Variants in UBE3C observed in about 807,000 individuals in gnomAD.
UBE3C encodes ubiquitin protein ligase E3C, also known as ubiquitin-protein ligase E3C.
A neutral mutation model predicts 129.4 loss-of-function variants in UBE3C; 42 were observed. The observed-to-expected ratio is 0.32, with a 90% CI of 0.25 to 0.42. The LOEUF (loss-of-function observed/expected upper bound fraction) is 0.42. Ranked by LOEUF, UBE3C falls within the 10% of genes least tolerant of loss-of-function variation. UBE3C has a pLI of 1.00. For missense variants in UBE3C, 1,049 were observed against 1,319.1 expected (o/e 0.80, Z 3.17); for synonymous variants, 510 against 492.4 (o/e 1.04, Z -0.47).
chr7:157,240,574 A>G (rs1463841271), intron 18 of UBE3C, among the ~76,000 whole-genome samples: 2 of 152,130 alleles, frequency 1.3e-5, no homozygotes, highest in African/African-American at 4.8e-5. Flanking sequence ...AGATTTAACC[A>G]GGGGTGGGGT....
chr7:157,258,315 A>C (rs542756541), intron 22 of UBE3C, among the ~76,000 whole-genome samples: 5 of 151,934 alleles, frequency 3.3e-5, no homozygotes, highest in African/African-American at 1.2e-4. Flanking sequence ...AGTCCCAGCT[A>C]CTCTTGAGGC....
chr7:157,145,499 C>T (rs1469543353), intron 1 of UBE3C, among the ~76,000 whole-genome samples: 2 of 152,072 alleles, frequency 1.3e-5, no homozygotes, highest in African/African-American at 2.4e-5. Flanking sequence ...GCCTAGGTGA[C>T]GAGAGTGATA....
chr7:157,162,029 C>T (rs1808084599), intron 1 of UBE3C, among the ~76,000 whole-genome samples: 1 of 151,778 alleles, frequency 6.6e-6, no homozygotes, highest in African/African-American at 2.4e-5. Context: ...AAGATCGCCA[C>T]TACACTCCAG....
chr7:157,189,675 G>T (rs4716693), intron 10 of UBE3C, among the ~76,000 whole-genome samples: 4 of 152,214 alleles, frequency 2.6e-5, no homozygotes, highest in Non-Finnish European at 4.4e-5. Context: ...GACTCTTTCA[G>T]CGGCTTCTTT....
Position 157,170,414 on chromosome 7 carries a change from G to C in UBE3C, c.306G>C (p.Leu102=). ...PNLTLLVRQL[L]FFYKQNEDSK... ...TTACCCTTTTGGTAAGGCAGCTTCT[G>C]TTTTTTTACAAACAAAATGAAGACT... Residue 102 remains leucine (L), a synonymous_variant, in exon 4 of 23, where the codon CTG becomes CTC. Transcript: ENST00000348165. 3 of 1,564,536 alleles carry C rather than the reference G, an allele frequency of 1.9e-6. No homozygotes were observed. The highest frequency in any genetic ancestry group is 2.6e-6 in the Non-Finnish European group (3 of 1,158,666).
intron 8 of UBE3C, among the ~76,000 whole-genome samples, 156 bp from the exon 9 acceptor site, chr7:157,183,722 A>C (rs928948524): frequency 2.6e-5 from 4 of 152,258 alleles, no homozygotes; most frequent in Non-Finnish European, 4.4e-5. Context: ...CGGGGACAAA[A>C]TCTAAATATG....
At chr7:157,156,622 A>T (rs1039553794) in intron 1 of UBE3C, among the ~76,000 whole-genome samples, 1 of 151,502 alleles carries the variant, frequency 6.6e-6, no homozygotes, top group African/African-American at 2.4e-5. Context: ...TTTAATCCTT[A>T]CATTCACACT....
chr7:157,225,395 C>T lies in UBE3C; in HGVS notation c.2101-12C>T, dbSNP rs775456741. On this transcript the variant is annotated splice_polypyrimidine_tract_variant and intron_variant, in intron 16 of 22. Coordinates refer to ENST00000348165, the MANE Select transcript of UBE3C (RefSeq NM_014671.3). ...TGTTTCTAATAACCTTACAGCTTTC[C>T]TTGTTTGTTAGATCTTTCAGAGGTT... The T allele has an allele frequency of 2.9e-5, 46 of 1,588,144 alleles. No individual in the cohort carries two copies. Among genetic ancestry groups the T allele is most frequent in the Non-Finnish European group, 3.9e-5 (46 of 1,173,002 alleles).
At position 157,207,431 on chromosome 7, in the gene UBE3C, G is replaced by A; in HGVS notation, c.1452G>A (p.Arg484=). The change falls in exon 12 of 23, where the codon AGG becomes AGA. Residue 484 remains arginine (R), a synonymous_variant. Coordinates refer to ENST00000348165, the MANE Select transcript of UBE3C (RefSeq NM_014671.3). ...SMVPLLQVIS[R]GSPMSFEDSS... Reference sequence around the variant, plus strand: ...TACCGTTGCTTCAGGTGATATCCAGGGGTTCTCCTATGTCTTTTGAAGATT... The same window carrying A: ...TACCGTTGCTTCAGGTGATATCCAGAGGTTCTCCTATGTCTTTTGAAGATT... The A allele has an allele frequency of 1.9e-6, 3 of 1,613,418 alleles. No homozygotes were observed. The highest frequency in any genetic ancestry group is 2.5e-6 in the Non-Finnish European group (3 of 1,179,916).
chr7:157,259,844 A>T (rs6971669), intron 22 of UBE3C, among the ~76,000 whole-genome samples: 19,815 of 152,124 alleles, frequency 0.13, 1,543 homozygotes, highest in African/African-American at 0.2. Context: ...ATCTTATAGT[A>T]AGTCAAGTAC....
At chr7:157,213,296 A>G (rs556281975) in intron 13 of UBE3C, among the ~76,000 whole-genome samples, 1 of 152,302 alleles carries the variant, frequency 6.6e-6, no homozygotes, top group South Asian at 2.1e-4. Context: ...AACTTACCAC[A>G]CTGGTTCTCA....
intron 18 of UBE3C, among the ~76,000 whole-genome samples, chr7:157,240,715 C>G (rs1028086259): frequency 6.6e-6 from 1 of 152,098 alleles, no homozygotes. Context: ...GCAAGGGAAG[C>G]TGGACAGGAG....
chr7:157,209,543 T>C (rs1809531563), intron 13 of UBE3C, among the ~76,000 whole-genome samples: 1 of 152,204 alleles, frequency 6.6e-6, no homozygotes, highest in African/African-American at 2.4e-5. Context: ...TACATAAGCT[T>C]TTCCTGGATG....
chr7:157,195,459 G>A (rs1490842615), intron 10 of UBE3C, among the ~76,000 whole-genome samples: 4 of 152,234 alleles, frequency 2.6e-5, no homozygotes, highest in Non-Finnish European at 5.9e-5. Flanking sequence ...GCAGTGAGCT[G>A]AAGATTACTC....
intron 10 of UBE3C, chr7:157,197,527 T>A: frequency 2.4e-6 from 2 of 843,754 alleles, no homozygotes; most frequent in Non-Finnish European, 3.4e-6. Context: ...TTTTTTTTAA[T>A]GCTGGAGGTA....
At chr7:157,249,789 C>T (rs1269005393) in intron 19 of UBE3C, among the ~76,000 whole-genome samples, 1 of 152,150 alleles carries the variant, frequency 6.6e-6, no homozygotes, top group Non-Finnish European at 1.5e-5. Flanking sequence ...TTATAAACAT[C>T]CACATACAGC....
chr7:157,144,605 G>A (rs1458131402), intron 1 of UBE3C, among the ~76,000 whole-genome samples: 1 of 152,102 alleles, frequency 6.6e-6, no homozygotes, highest in Non-Finnish European at 1.5e-5. Context: ...TAGACCGGAG[G>A]AACTGAAATT....
rs1400645136 is a variant in UBE3C at position 157,216,967 on chromosome 7, A to C, written c.1910A>C (p.Asp637Ala). 3.1e-6 allele frequency: 5 copies of C among 1,610,056 alleles called. No homozygotes were observed. Among genetic ancestry groups the C allele is most frequent in the Non-Finnish European group, 4.2e-6 (5 of 1,176,960 alleles). ...TCAGAACAAGAAGATATTAAAGCAG[A>C]TAAGGTGTTATTGAAAGATCTTTTT... ...WLSEQEDIKA[D>A]KVTQLYVPAS... The change falls in exon 14 of 23, where the codon GAT becomes GCT. Residue 637 changes from aspartate (D) to alanine (A), a missense_variant. Transcript: ENST00000348165.
intron 10 of UBE3C, among the ~76,000 whole-genome samples, chr7:157,200,631 TTTTA>T (rs1440929094): frequency 6.6e-6 from 1 of 152,160 alleles, no homozygotes; most frequent in Non-Finnish European, 1.5e-5. Context: ...AGTTTTTAAT[TTTTA>T]TTTATTTTTA....
Sources: gnomAD v4.1 joint callset for allele counts (sites outside exome capture counted in the v4.1 genomes callset) on GRCh38, gnomAD v4.1.1 for gene constraint, MANE v1.5 for transcripts, NCBI Gene and HGNC (gene_info 2026-07-23, HGNC 2026-07-21) for gene names.